Variants in GPC5 observed in about 807,000 individuals in gnomAD.
GPC5 encodes glypican 5.
Under a neutral mutation model 53.9 loss-of-function variants are expected in GPC5, and 47 were observed. The observed-to-expected ratio is 0.87, with a 90% CI of 0.69 to 1.11. The LOEUF (loss-of-function observed/expected upper bound fraction) is 1.11, where lower values mean the gene tolerates loss of function less well. GPC5 is among the 50% of genes most tolerant of loss of function. The probability of loss-of-function intolerance (pLI) is 0.00; values close to 1 mark genes in which losing one functional copy is unlikely to be tolerated. For synonymous variants in GPC5, 286 were observed against 263.3 expected, an observed-to-expected ratio of 1.09 and a Z score of -0.84; for missense variants, 748 against 713.1, an observed-to-expected ratio of 1.05 and a Z score of -0.56.
chr13:92,526,459 G>A (rs541699086), intron 7 of GPC5, among the ~76,000 whole-genome samples: 6 of 152,184 alleles, frequency 3.9e-5, no homozygotes, highest in Admixed American at 3.3e-4. Context: ...AAAGATGTGT[G>A]TAATGGGGTA....
chr13:91,486,674 C>G (rs2139236802), intron 2 of GPC5: 1 of 152,124 alleles, frequency 6.6e-6, no homozygotes, highest in Non-Finnish European at 1.5e-5. Flanking sequence ...CTTTGAGGAA[C>G]CAGAAAACAA....
intron 6 of GPC5, among the ~76,000 whole-genome samples, chr13:92,123,493 C>T (rs561886452): frequency 6.6e-6 from 1 of 152,120 alleles, no homozygotes; most frequent in Non-Finnish European, 1.5e-5. Context: ...TACAGGGAGC[C>T]AGAGTCTCAT....
At chr13:91,581,357 T>C (rs1347361142) in intron 2 of GPC5, among the ~76,000 whole-genome samples, 1 of 152,224 alleles carries the variant, frequency 6.6e-6, no homozygotes. Context: ...GGTCAGCTTT[T>C]GTAAAGTTGG....
chr13:92,346,371 GCAGCTCTTCCTGA>G (rs1260351711), intron 7 of GPC5, among the ~76,000 whole-genome samples: 2 of 152,148 alleles, frequency 1.3e-5, no homozygotes, highest in African/African-American at 4.8e-5. Flanking sequence ...TATCCAGCCA[GCAGCTCTTCCTGA>G]CAGCAGAATC....
At chr13:91,611,541 T>C (rs369416992) in intron 2 of GPC5, among the ~76,000 whole-genome samples, 2 of 152,226 alleles carry the variant, frequency 1.3e-5, no homozygotes, top group East Asian at 3.9e-4. Context: ...GTCAGCTAGC[T>C]GCTGGCTCTT....
intron 4 of GPC5, among the ~76,000 whole-genome samples, chr13:91,736,155 T>G (rs1460905596): frequency 1.3e-5 from 2 of 150,928 alleles, no homozygotes; most frequent in Non-Finnish European, 2.9e-5. Flanking sequence ...AGAAAGAGGG[T>G]GAGGGATGAA....
At chr13:91,610,466 G>A (rs918564028) in intron 2 of GPC5, among the ~76,000 whole-genome samples, 1 of 152,126 alleles carries the variant, frequency 6.6e-6, no homozygotes, top group Non-Finnish European at 1.5e-5. Flanking sequence ...GCAAACAAAG[G>A]GATAGGCTAT....
intron 7 of GPC5, among the ~76,000 whole-genome samples, chr13:92,716,914 A>C (rs989752794): frequency 2.6e-5 from 4 of 152,156 alleles, no homozygotes; most frequent in African/African-American, 9.7e-5. Context: ...ATTCCTCATG[A>C]CAGCCCTACA....
intron 2 of GPC5, among the ~76,000 whole-genome samples, chr13:91,554,193 A>C (rs1474121271): frequency 6.6e-6 from 1 of 152,000 alleles, no homozygotes; most frequent in Non-Finnish European, 1.5e-5. Context: ...TTCTACACCA[A>C]GTTTGTTTAC....
chr13:92,208,453 G>T (rs1266506495), intron 7 of GPC5, among the ~76,000 whole-genome samples: 2 of 152,188 alleles, frequency 1.3e-5, no homozygotes, highest in Non-Finnish European at 2.9e-5. Flanking sequence ...CTGCTTTTCA[G>T]CAAAGGTCTT....
rs117425883 is a variant in GPC5 at position 92,112,534 on chromosome 13, A to G, written c.1402-32296A>G. ...CTTAGAAACTGCTCATCGAATTTGA[A>G]TATTGCATAATCATTGGTGAGCTTA... On this transcript the variant is annotated intron_variant, in intron 6 of 7. Coordinates refer to ENST00000377067, the MANE Select transcript of GPC5 (RefSeq NM_004466.6). Among the ~76,000 whole-genome samples, 51 of 152,288 alleles carry G rather than the reference A, an allele frequency of 3.3e-4. No homozygotes were observed. In the East Asian group the frequency reaches 9.3e-3, roughly 28 times the overall value.
intron 2 of GPC5, among the ~76,000 whole-genome samples, chr13:91,495,263 AT>A (rs370521500): frequency 6.2e-4 from 95 of 152,338 alleles, no homozygotes; most frequent in African/African-American, 2.2e-3. Context: ...AGCCACTGTT[AT>A]TAATATTCTT....
At chr13:92,007,897 A>C (rs534740970) in intron 6 of GPC5, among the ~76,000 whole-genome samples, 2 of 152,186 alleles carry the variant, frequency 1.3e-5, no homozygotes, top group African/African-American at 4.8e-5. Flanking sequence ...ACACCTTCAC[A>C]TATGAGGACT....
intron 7 of GPC5, among the ~76,000 whole-genome samples, chr13:92,597,898 A>G (rs1274647239): frequency 1.3e-5 from 2 of 152,220 alleles, no homozygotes; most frequent in African/African-American, 4.8e-5. Context: ...CAGAATTAAC[A>G]CTTCAGTAGT....
intron 7 of GPC5, among the ~76,000 whole-genome samples, chr13:92,205,080 A>G (rs2139066034): frequency 6.6e-6 from 1 of 152,178 alleles, no homozygotes; most frequent in African/African-American, 2.4e-5. Flanking sequence ...GGGTTTCACC[A>G]TGTTAGCTAA....
chr13:91,851,633 A>G (rs1232210703), intron 5 of GPC5, among the ~76,000 whole-genome samples: 1 of 141,278 alleles, frequency 7.1e-6, no homozygotes, highest in African/African-American at 2.6e-5. Flanking sequence ...TATATCTCCC[A>G]GTGCTATCCC....
chr13:92,752,060 A>G (rs1889418384), intron 7 of GPC5, among the ~76,000 whole-genome samples: 1 of 151,900 alleles, frequency 6.6e-6, no homozygotes, highest in Non-Finnish European at 1.5e-5. Context: ...GAGGAATGAG[A>G]ACCTTGAAAA....
rs2042913590 is a variant in GPC5, at chr13:92,281,279, C to G, written c.1561+136290C>G. On this transcript the variant is annotated intron_variant, in intron 7 of 7. Transcript: ENST00000377067. Reference sequence around the variant, plus strand: ...TCGAACTGGGTGGAGCCCACCACAGCTCAAGGAGGCTTGCCTGCCTCTGTA... The same window carrying G: ...TCGAACTGGGTGGAGCCCACCACAGGTCAAGGAGGCTTGCCTGCCTCTGTA... 2.6e-5 allele frequency among the ~76,000 whole-genome samples: 4 copies of G among 152,340 alleles called. No individual in the cohort carries two copies. In the East Asian group the frequency reaches 7.7e-4, roughly 29 times the overall value.
rs1485923077 is a variant in GPC5 at position 92,726,661 on chromosome 13, G to A, written c.1562-139621G>A. 3.3e-5 allele frequency among the ~76,000 whole-genome samples: 5 copies of A among 151,638 alleles called. No homozygotes were observed. In the East Asian group the frequency reaches 7.8e-4, roughly 24 times the overall value. On this transcript the variant is annotated intron_variant, in intron 7 of 7. Coordinates refer to ENST00000377067, the MANE Select transcript of GPC5 (RefSeq NM_004466.6). ...TGATAGGTGATCACATCTTGTTCCT[G>A]ATCATATGTTACTTGCCTTTGATCC...
Sources: allele counts gnomAD v4.1 joint callset (sites outside exome capture counted in the v4.1 genomes callset), GRCh38; gene constraint gnomAD v4.1.1; transcripts MANE v1.5; gene names NCBI Gene and HGNC (gene_info 2026-07-23, HGNC 2026-07-21).